Variants in CDH6 observed in about 807,000 individuals in gnomAD.
The protein encoded by CDH6 is cadherin 6, also known as cadherin-6.
Under a neutral mutation model 78.0 loss-of-function variants are expected in CDH6, and 31 were observed. The observed-to-expected ratio is 0.40, with a 90% CI of 0.30 to 0.54. The LOEUF (loss-of-function observed/expected upper bound fraction) is 0.54, where lower values mean the gene tolerates loss of function less well. Among genes scored for constraint, CDH6 ranks in the 20% least tolerant of loss-of-function variants. The probability of loss-of-function intolerance (pLI) is 0.56; values close to 1 mark genes in which losing one functional copy is unlikely to be tolerated. For synonymous variants in CDH6, 376 were observed against 368.8 expected, an observed-to-expected ratio of 1.02 and a Z score of -0.23; for missense variants, 724 against 975.9, an observed-to-expected ratio of 0.74 and a Z score of 3.44.
intron 2 of CDH6, among the ~76,000 whole-genome samples, chr5:31,286,632 G>A (rs1743019272): frequency 6.6e-6 from 1 of 152,156 alleles, no homozygotes; most frequent in African/African-American, 2.4e-5. Context: ...CATGCGAAGG[G>A]GTGGGGATGA....
chr5:31,213,381 G>A (rs905660782), intron 1 of CDH6, among the ~76,000 whole-genome samples: 1 of 152,264 alleles, frequency 6.6e-6, no homozygotes, highest in Admixed American at 6.5e-5. Flanking sequence ...GGAATTGGCT[G>A]TTGGTGTCTC....
chr5:31,305,308 T>C lies in CDH6; in HGVS notation c.1134T>C (p.Asp378=). The C allele has an allele frequency of 6.2e-7, 1 of 1,614,182 alleles. No individual in the cohort carries two copies. Among genetic ancestry groups the C allele is most frequent in the African/African-American group, 1.3e-5 (1 of 75,054 alleles). Residue 378 remains aspartate (D), a synonymous_variant, in exon 7 of 12, where the codon GAT becomes GAC. Coordinates refer to ENST00000265071, the MANE Select transcript of CDH6 (RefSeq NM_004932.4). ...TTAGAATTGTGGTGGAGGATGTAGA[T>C]GAGCCACCTGTCTTCAGCAAACTGG... ...ATVRIVVEDV[D]EPPVFSKLAY...
intron 5 of CDH6, 80 bp downstream of exon 5, chr5:31,299,711 C>A: frequency 7.9e-7 from 1 of 1,259,024 alleles, no homozygotes; most frequent in Non-Finnish European, 1.1e-6. Context: ...TTTCCATTGT[C>A]ATCATTATTG....
chr5:31,273,053 C>T (rs1307740839), intron 2 of CDH6, among the ~76,000 whole-genome samples: 1 of 152,026 alleles, frequency 6.6e-6, no homozygotes, highest in East Asian at 1.9e-4. Context: ...TAAACAGTAA[C>T]GTTTTAACGG....
At chr5:31,279,364 G>A (rs1450415676) in intron 2 of CDH6, among the ~76,000 whole-genome samples, 1 of 152,006 alleles carries the variant, frequency 6.6e-6, no homozygotes, top group Non-Finnish European at 1.5e-5. Context: ...GCCCAGAAGT[G>A]CCAGACCAGC....
At chr5:31,260,456 T>C (rs1742183425) in intron 1 of CDH6, among the ~76,000 whole-genome samples, 1 of 152,250 alleles carries the variant, frequency 6.6e-6, no homozygotes, top group South Asian at 2.1e-4. Flanking sequence ...CTTTATGCTC[T>C]GATTTAAGTT....
chr5:31,263,276 T>C (rs995876506), intron 1 of CDH6, among the ~76,000 whole-genome samples: 5 of 149,508 alleles, frequency 3.3e-5, no homozygotes, highest in African/African-American at 7.4e-5. Context: ...TTTTTTTTTT[T>C]CCAGACAGTT....
rs1738356164 is a variant in CDH6 at position 31,317,452 on chromosome 5, A to G, written c.1590A>G (p.Glu530=). Residue 530 remains glutamate, a synonymous_variant, in exon 10 of 12, where the codon GAA becomes GAG. Transcript: ENST00000265071. ...GHQFSFSLAP[E]AASGSNFTIQ... is the part of the protein sequence containing the mutation. Reference sequence around the variant, plus strand: ...AATTTTCGTTTTCCTTGGCCCCTGAAGCAGCCAGTGGCTCAAACTTTACCA... The same window carrying G: ...AATTTTCGTTTTCCTTGGCCCCTGAGGCAGCCAGTGGCTCAAACTTTACCA... 3 of 1,613,330 alleles carry G rather than the reference A, an allele frequency of 1.9e-6. No individual in the cohort carries two copies. The highest frequency in any genetic ancestry group is 1.3e-5 in the African/African-American group (1 of 75,026).
intron 1 of CDH6, among the ~76,000 whole-genome samples, chr5:31,263,200 T>C (rs1742254559): frequency 6.6e-6 from 1 of 151,896 alleles, no homozygotes. Context: ...GGGGACTCTC[T>C]GCATAGTATC....
chr5:31,283,619 T>C (rs1420153321), intron 2 of CDH6, among the ~76,000 whole-genome samples: 1 of 152,092 alleles, frequency 6.6e-6, no homozygotes, highest in African/African-American at 2.4e-5. Context: ...TGCCAGATGA[T>C]GAATCACAAA....
intron 1 of CDH6, among the ~76,000 whole-genome samples, chr5:31,254,128 G>A (rs1419117234): frequency 6.6e-6 from 1 of 152,054 alleles, no homozygotes; most frequent in Non-Finnish European, 1.5e-5. Context: ...GCTTATCCAC[G>A]CTGTCTACAC....
At chr5:31,199,385 T>C (rs1193667772) in intron 1 of CDH6, among the ~76,000 whole-genome samples, 1 of 149,838 alleles carries the variant, frequency 6.7e-6, no homozygotes, top group Admixed American at 6.7e-5. Flanking sequence ...ATATATGGTG[T>C]ATATATGTAT....
At chr5:31,318,037 G>A (rs1738377158) in intron 11 of CDH6, 113 bp downstream of exon 11, 1 of 1,267,598 alleles carries the variant, frequency 7.9e-7, no homozygotes, top group South Asian at 1.2e-5. Context: ...TGATCTAGGT[G>A]AGTCGAGTTA....
intron 1 of CDH6, among the ~76,000 whole-genome samples, chr5:31,200,982 G>T (rs1438428640): frequency 6.6e-6 from 1 of 152,108 alleles, no homozygotes; most frequent in Non-Finnish European, 1.5e-5. Flanking sequence ...CCAGAGAGAT[G>T]AATAACTTAT....
intron 1 of CDH6, among the ~76,000 whole-genome samples, chr5:31,214,903 C>T (rs1740822371): frequency 1.3e-5 from 2 of 152,026 alleles, no homozygotes; most frequent in Admixed American, 1.3e-4. Context: ...ATGAGTGATT[C>T]GATTTTACTG....
At chr5:31,242,574 T>C (rs1741633888) in intron 1 of CDH6, among the ~76,000 whole-genome samples, 1 of 152,102 alleles carries the variant, frequency 6.6e-6, no homozygotes, top group South Asian at 2.1e-4. Context: ...ATAGTAGCAG[T>C]GGCAGGATCG....
chr5:31,219,015 T>C (rs1462194832), intron 1 of CDH6, among the ~76,000 whole-genome samples: 1 of 152,180 alleles, frequency 6.6e-6, no homozygotes, highest in African/African-American at 2.4e-5. Context: ...AAGGTGATTT[T>C]TGGATGAGAT....
intron 11 of CDH6, chr5:31,318,769 G>A (rs896997050): frequency 4.4e-6 from 1 of 225,780 alleles, no homozygotes; most frequent in African/African-American, 2.2e-5. Context: ...GAAGTTAAGA[G>A]TCAACCTGAA....
intron 1 of CDH6, among the ~76,000 whole-genome samples, chr5:31,226,329 C>A (rs1019905663): frequency 3.3e-5 from 5 of 152,086 alleles, no homozygotes; most frequent in Non-Finnish European, 5.9e-5. Flanking sequence ...CGCCCACCAC[C>A]ACGCCCAGCT....
Sources: gnomAD v4.1 joint callset for allele counts (sites outside exome capture counted in the v4.1 genomes callset) on GRCh38, gnomAD v4.1.1 for gene constraint, MANE v1.5 for transcripts, NCBI Gene and HGNC (gene_info 2026-07-23, HGNC 2026-07-21) for gene names.